Variants in EEF1AKMT2 observed in about 807,000 individuals in gnomAD.
EEF1AKMT2 encodes the protein EEF1A lysine methyltransferase 2.
EEF1AKMT2 carries 32 observed loss-of-function variants against 35.8 expected under a neutral mutation model. The observed-to-expected ratio is 0.89, with a 90% CI of 0.67 to 1.20. The LOEUF (loss-of-function observed/expected upper bound fraction) is 1.20. EEF1AKMT2 is among the 50% of genes most tolerant of loss of function. EEF1AKMT2 has a pLI of 0.00. For missense variants in EEF1AKMT2, 330 were observed against 347.5 expected, an observed-to-expected ratio of 0.95 and a Z score of 0.40; for synonymous variants, 121 against 133.7, an observed-to-expected ratio of 0.91 and a Z score of 0.65.
At chr10:124,782,833 TA>T in intron 3 of EEF1AKMT2, 5 of 192,512 alleles carry the variant, frequency 2.6e-5, no homozygotes, top group South Asian at 1.3e-4. Flanking sequence ...AAAACAGAGG[TA>T]AAAAAGGGAA....
intron 3 of EEF1AKMT2, among the ~76,000 whole-genome samples, chr10:124,782,748 G>A (rs1261671365): frequency 6.6e-6 from 1 of 151,708 alleles, no homozygotes; most frequent in Non-Finnish European, 1.5e-5. Flanking sequence ...AGGAGGTGGA[G>A]GTTGCAGTGA....
chr10:124,774,999 T>G (rs1220323623), intron 3 of EEF1AKMT2: 3 of 208,210 alleles, frequency 1.4e-5, no homozygotes, highest in Non-Finnish European at 2.9e-5. Flanking sequence ...ATATTTTATC[T>G]CTTTTTCAAA....
chr10:124,774,315 C>T (rs889628037), intron 4 of EEF1AKMT2, among the ~76,000 whole-genome samples: 2 of 130,904 alleles, frequency 1.5e-5, no homozygotes, highest in African/African-American at 2.8e-5. Flanking sequence ...TGCAGTAAGC[C>T]GAGATGGCGC....
chr10:124,773,276 C>A (rs1950455319), intron 4 of EEF1AKMT2, among the ~76,000 whole-genome samples: 1 of 152,148 alleles, frequency 6.6e-6, no homozygotes, highest in East Asian at 1.9e-4. Flanking sequence ...TAGCTCACTG[C>A]AACCTCCACC....
At chr10:124,779,670 CCTGGGAGGT>C (rs1443410217) in intron 3 of EEF1AKMT2, among the ~76,000 whole-genome samples, 1 of 41,280 alleles carries the variant, frequency 2.4e-5, no homozygotes, top group East Asian at 9.4e-4. Flanking sequence ...ATGGTGTGAA[CCTGGGAGGT>C]GGAGCTTGCA....
intron 3 of EEF1AKMT2, among the ~76,000 whole-genome samples, chr10:124,786,129 A>AT (rs1255209551): frequency 1.3e-5 from 2 of 152,032 alleles, no homozygotes; most frequent in Non-Finnish European, 2.9e-5. Context: ...GAAATGTCTT[A>AT]TTTTTTGGTC....
chr10:124,769,038 G>A (rs1950404399), intron 4 of EEF1AKMT2, among the ~76,000 whole-genome samples: 1 of 149,576 alleles, frequency 6.7e-6, no homozygotes, highest in African/African-American at 2.5e-5. Context: ...AGACTAGCCT[G>A]GGCAACATGA....
At chr10:124,779,713 A>T (rs1244908052) in intron 3 of EEF1AKMT2, among the ~76,000 whole-genome samples, 1 of 129,670 alleles carries the variant, frequency 7.7e-6, no homozygotes, top group Non-Finnish European at 1.6e-5. Flanking sequence ...GCACCACTGC[A>T]CTCCAGCCTG....
chr10:124,791,747 C>G lies in EEF1AKMT2; in HGVS notation c.87G>C (p.Pro29=), dbSNP rs550228554. 697 of 1,592,436 alleles carry G rather than the reference C, an allele frequency of 4.4e-4. 9 individuals are homozygous for G. In the South Asian group the frequency reaches 7.3e-3, roughly 17 times the overall value. The change falls in exon 1 of 7, where the codon CCG becomes CCC. Residue 29 remains proline, a synonymous_variant. Transcript: ENST00000368836. ...ACTGCTCGCGGGTCCCCAGCGCCGACGGGACGAAACCGTCCTCCCCGGGAC... is the reference window on the plus strand; with the variant it reads ...ACTGCTCGCGGGTCCCCAGCGCCGAGGGGACGAAACCGTCCTCCCCGGGAC... ...KGSPGEDGFV[P]SALGTREHWD...
chr10:124,775,946 C>G (rs527241368), intron 3 of EEF1AKMT2, among the ~76,000 whole-genome samples: 161 of 150,946 alleles, frequency 1.1e-3, no homozygotes, highest in African/African-American at 3.8e-3. Flanking sequence ...GAGACAGAGT[C>G]TCGCTCTGTC....
chr10:124,772,242 C>A (rs1950442875), intron 4 of EEF1AKMT2, among the ~76,000 whole-genome samples: 1 of 152,070 alleles, frequency 6.6e-6, no homozygotes, highest in South Asian at 2.1e-4. Flanking sequence ...CTATGTAACT[C>A]CTACATGGCA....
At chr10:124,757,139 T>G (rs1950292481), downstream of EEF1AKMT2, among the ~76,000 whole-genome samples, 1 of 149,584 alleles carries the variant, frequency 6.7e-6, no homozygotes, top group Non-Finnish European at 1.5e-5. Flanking sequence ...AGACAAGACT[T>G]CTTTCAGAGC....
intron 4 of EEF1AKMT2, among the ~76,000 whole-genome samples, chr10:124,771,035 C>T (rs190774830): frequency 5.6e-4 from 85 of 152,282 alleles, no homozygotes; most frequent in African/African-American, 2.0e-3. Flanking sequence ...ATATTCTGAC[C>T]TCCCATGAAT....
intron 3 of EEF1AKMT2, among the ~76,000 whole-genome samples, chr10:124,779,042 C>T (rs967315570): frequency 1.3e-5 from 2 of 152,154 alleles, no homozygotes; most frequent in Admixed American, 1.3e-4. Flanking sequence ...ATATTCTACG[C>T]CACATATGCA....
chr10:124,789,162 TAGAGAG>T lies in EEF1AKMT2; in HGVS notation c.177-11_177-6del, dbSNP rs746185223. 6.3e-7 allele frequency: 1 copy of T among 1,593,828 alleles called. No individual in the cohort carries two copies. Among genetic ancestry groups the T allele is most frequent in the East Asian group, 2.2e-5 (1 of 44,700 alleles). ...TTCATACTCTCTTCTCCAAACCTGT[TAGAGAG>T]AATCAGTCAAATAACTGAGGGATAC... On this transcript the variant is annotated splice_polypyrimidine_tract_variant and splice_region_variant and intron_variant, in intron 2 of 6. Transcript: ENST00000368836.
intron 4 of EEF1AKMT2, among the ~76,000 whole-genome samples, chr10:124,770,928 T>C (rs1436998191): frequency 6.6e-6 from 1 of 152,172 alleles, no homozygotes; most frequent in African/African-American, 2.4e-5. Flanking sequence ...CTACTACCAC[T>C]GTATTTGCAG....
In EEF1AKMT2 at chr10:124,758,911, G is replaced by A. The variant is rs1275132777; in HGVS notation, c.*1592C>T. ...TGAAAATAAAAGCTTTTCAAAAAAT[G>A]TTATTTTTGTTGACAGTCCACATAC... On this transcript the variant is annotated 3_prime_UTR_variant, in exon 7 of 7. Transcript: ENST00000368836. The A allele has an allele frequency of 6.6e-6, 1 of 152,028 alleles. No homozygotes were observed. The highest frequency in any genetic ancestry group is 1.5e-5 in the Non-Finnish European group (1 of 67,984). The allele number at this position is 152,028 out of a possible 1,614,324, so 9.4% of individuals were successfully genotyped here.
downstream of EEF1AKMT2, among the ~76,000 whole-genome samples, chr10:124,757,477 C>T (rs1237204927): frequency 6.6e-6 from 1 of 152,016 alleles, no homozygotes; most frequent in African/African-American, 2.4e-5. Context: ...AGCAGGGATA[C>T]ACTATTTCTT....
At position 124,779,769 on chromosome 10, in the gene EEF1AKMT2, A is replaced by AAAC. The variant is rs1275750539; in HGVS notation, c.292-4988_292-4987insGTT. 1.9e-3 allele frequency among the ~76,000 whole-genome samples: 264 copies of AAAC among 138,728 alleles called. 4 individuals are homozygous for AAAC. The highest frequency in any genetic ancestry group is 7.2e-3 in the African/African-American group (256 of 35,348). The allele number at this position is 138,728 out of a possible 152,430, so 91.0% of individuals were successfully genotyped here. ...TCTCAAAAAAAAAAAAAAAAAAAAA[A>AAAC]AGAAACAGAATAGTCAGGCGTGGTG... is the stretch of plus-strand genomic sequence containing the variant. On this transcript the variant is annotated intron_variant, in intron 3 of 6. Coordinates refer to ENST00000368836, the MANE Select transcript of EEF1AKMT2 (RefSeq NM_212554.4).
Sources: allele counts gnomAD v4.1 joint callset (sites outside exome capture counted in the v4.1 genomes callset), GRCh38; gene constraint gnomAD v4.1.1; transcripts MANE v1.5; gene names NCBI Gene and HGNC (gene_info 2026-07-23, HGNC 2026-07-21).